HEATR5B: variants seen among roughly 807,000 people sequenced by gnomAD.
HEATR5B encodes HEAT repeat-containing protein 5B.
In HEATR5B, 156 loss-of-function variants were observed where a neutral mutation model predicts 224.1. The observed-to-expected ratio is 0.70, with a 90% CI of 0.61 to 0.80. HEATR5B has a LOEUF of 0.80. HEATR5B is among the 30% of genes least tolerant of loss of function. The pLI, the probability that HEATR5B is intolerant of heterozygous loss-of-function variation, is 0.00. For synonymous variants in HEATR5B, 1,027 were observed against 893.0 expected (o/e 1.15, Z -2.68); for missense variants, 2,323 against 2,535.5 (o/e 0.92, Z 1.80).
At chr2:37,015,611 G>GA (rs1668061440) in intron 26 of HEATR5B, among the ~76,000 whole-genome samples, 1 of 152,184 alleles carries the variant, frequency 6.6e-6, no homozygotes, top group Non-Finnish European at 1.5e-5. Context: ...GACTTGAATG[G>GA]AAGGAAGGTG....
rs1421939048 is a variant in HEATR5B at position 36,981,158 on chromosome 2, CCT to C, written c.*330_*331del. 4 of 186,068 alleles carry C rather than the reference CCT, an allele frequency of 2.1e-5. No individual in the cohort carries two copies. The highest frequency in any genetic ancestry group is 1.8e-4 in the Admixed American group (3 of 16,396). 11.5% of individuals were successfully genotyped at this position (186,068 alleles called of 1,614,324 possible). On this transcript the variant is annotated 3_prime_UTR_variant, in exon 36 of 36. Coordinates refer to ENST00000233099, the MANE Select transcript of HEATR5B (RefSeq NM_019024.3). ...GCTGAGTTCTGACCCATTTTTTTCC[CCT>C]GACAGTATCAATAGGCTGCCCGACT...
chr2:37,073,491 G>A (rs780671075), intron 5 of HEATR5B, among the ~76,000 whole-genome samples: 8 of 152,168 alleles, frequency 5.3e-5, no homozygotes, highest in Non-Finnish European at 4.4e-5. Context: ...TGATCCACCC[G>A]TCTCAGCCTC....
At chr2:37,062,840 T>C (rs944229193) in intron 10 of HEATR5B, among the ~76,000 whole-genome samples, 3 of 152,194 alleles carry the variant, frequency 2.0e-5, no homozygotes, top group African/African-American at 7.2e-5. Context: ...CAGGCTGGGG[T>C]GCAGTGGCAC....
At chr2:37,007,011 A>G (rs772930189) in intron 29 of HEATR5B, 39 bp downstream of exon 29, 2 of 1,584,724 alleles carry the variant, frequency 1.3e-6, no homozygotes, top group South Asian at 1.1e-5. Flanking sequence ...GAATTTTCAG[A>G]AGTGATAATC....
At chr2:37,001,370 A>G (rs1225927709) in intron 32 of HEATR5B, among the ~76,000 whole-genome samples, 1 of 152,132 alleles carries the variant, frequency 6.6e-6, no homozygotes, top group Non-Finnish European at 1.5e-5. Context: ...CACCACTCTG[A>G]CCTGCAGCCA....
intron 33 of HEATR5B, among the ~76,000 whole-genome samples, chr2:36,991,357 T>C (rs1397770862): frequency 2.0e-5 from 3 of 151,862 alleles, no homozygotes; most frequent in Non-Finnish European, 4.4e-5. Flanking sequence ...TAGCTGGGCA[T>C]GGTGGTGCAT....
rs186524604 is a variant in HEATR5B, at chr2:37,035,112, T to A, written c.3217-2339A>T. On this transcript the variant is annotated intron_variant, in intron 21 of 35. Transcript: ENST00000233099. ...TCATAACATTTTAATTTAGTAACAA[T>A]TACAGAGAATTGTAGCTAAGAAAAT... Among the ~76,000 whole-genome samples the A allele has an allele frequency of 2.0e-5, 3 of 152,278 alleles. No homozygotes were observed. The East Asian group carries it at 5.8e-4, about 29-fold the overall frequency.
chr2:36,991,482 C>T (rs1280363139), intron 33 of HEATR5B, among the ~76,000 whole-genome samples: 4 of 128,528 alleles, frequency 3.1e-5, no homozygotes, highest in African/African-American at 9.1e-5. Context: ...GCAACAAAAG[C>T]GAAACTCTGT....
chr2:37,041,133 C>G lies in HEATR5B; in HGVS notation c.2856G>C (p.Gln952His). 1 of 1,611,398 alleles carries G rather than the reference C, an allele frequency of 6.2e-7. No individual in the cohort carries two copies. The highest frequency in any genetic ancestry group is 8.5e-7 in the Non-Finnish European group (1 of 1,178,486). The change falls in exon 19 of 36, where the codon CAG becomes CAC. Residue 952 changes from glutamine to histidine, a missense_variant and splice_region_variant. Coordinates refer to ENST00000233099, the MANE Select transcript of HEATR5B (RefSeq NM_019024.3). ...LAQDGTSPEV[Q>H]TWSLHSLALI... ...AATAAAAAAACCAATTATATTATAC[C>G]TGGACTTCAGGGGATGTCCCATCTT...
At chr2:37,062,106 A>C in intron 10 of HEATR5B, 56 bp from the exon 11 acceptor site, 1 of 1,070,664 alleles carries the variant, frequency 9.3e-7, no homozygotes. Flanking sequence ...TTAAATAAGG[A>C]AACAGATAAC....
chr2:37,056,337 T>C, intron 16 of HEATR5B, 103 bp downstream of exon 16: 1 of 753,468 alleles, frequency 1.3e-6, no homozygotes, highest in South Asian at 2.4e-5. Context: ...TTAAGTATTA[T>C]AATAACTCAC....
rs1343853495 is a variant in HEATR5B at position 37,056,604 on chromosome 2, G to A, written c.2235C>T (p.Asn745=). 6.3e-7 allele frequency: 1 copy of A among 1,593,854 alleles called. No homozygotes were observed. The highest frequency in any genetic ancestry group is 1.8e-5 in the Admixed American group (1 of 55,258). Residue 745 remains asparagine (N), a synonymous_variant, in exon 16 of 36, where the codon AAC becomes AAT. Coordinates refer to ENST00000233099, the MANE Select transcript of HEATR5B (RefSeq NM_019024.3). ...CCAGAGCCCCACTTCCAGAGGCACT[G>A]TTTGGCTGGAGCTGCAAAAGAGTGA... The part of the protein sequence containing the change: ...HKSIEDQLQP[N]SASGSGALEH...
chr2:36,996,995 T>A (rs1482879851), intron 33 of HEATR5B, among the ~76,000 whole-genome samples: 2 of 152,218 alleles, frequency 1.3e-5, no homozygotes, highest in Non-Finnish European at 2.9e-5. Context: ...GTGCTGGGAT[T>A]CAGGTGTAAG....
At chr2:36,993,472 C>T (rs922564668) in intron 33 of HEATR5B, among the ~76,000 whole-genome samples, 73 of 150,058 alleles carry the variant, frequency 4.9e-4, no homozygotes, top group African/African-American at 1.6e-3. Context: ...AGGAGGTGGA[C>T]GTGGAGGTTG....
chr2:37,067,085 G>A (rs1456031882), intron 8 of HEATR5B, among the ~76,000 whole-genome samples: 3 of 152,162 alleles, frequency 2.0e-5, no homozygotes, highest in African/African-American at 7.2e-5. Flanking sequence ...TGGGCAGGCT[G>A]TTTTTGAAGA....
At chr2:37,056,338 A>T in intron 16 of HEATR5B, 102 bp downstream of exon 16, 1 of 751,590 alleles carries the variant, frequency 1.3e-6, no homozygotes. Context: ...TAAGTATTAT[A>T]ATAACTCACT....
chr2:36,998,696 G>A (rs1443624816), intron 33 of HEATR5B, among the ~76,000 whole-genome samples: 2 of 152,118 alleles, frequency 1.3e-5, no homozygotes, highest in Non-Finnish European at 2.9e-5. Flanking sequence ...CTATATGGGA[G>A]TTAAATGAGA....
rs1665575987 is a variant in HEATR5B, at chr2:36,981,479, G to T, written c.*11C>A. On this transcript the variant is annotated 3_prime_UTR_variant, in exon 36 of 36. Coordinates refer to ENST00000233099, the MANE Select transcript of HEATR5B (RefSeq NM_019024.3). ...GTTGACAACATAAATACAAATAAAT[G>T]AAATTACAAATTAAAAAAAACTTGT... 1 of 1,592,744 alleles carries T rather than the reference G, an allele frequency of 6.3e-7. No individual in the cohort carries two copies. The highest frequency in any genetic ancestry group is 8.6e-7 in the Non-Finnish European group (1 of 1,168,416).
At chr2:36,984,197 T>G (rs1165902308) in intron 35 of HEATR5B, among the ~76,000 whole-genome samples, 2 of 36,230 alleles carry the variant, frequency 5.5e-5, no homozygotes, top group African/African-American at 4.3e-4. Flanking sequence ...TGAAACTCTG[T>G]CTCAAAAAAA....
Sources: gnomAD v4.1 joint callset for allele counts (sites outside exome capture counted in the v4.1 genomes callset) on GRCh38, gnomAD v4.1.1 for gene constraint, MANE v1.5 for transcripts, NCBI Gene and HGNC (gene_info 2026-07-23, HGNC 2026-07-21) for gene names.